Variants in NR6A1 observed in about 807,000 individuals in gnomAD.
NR6A1 encodes the protein nuclear receptor subfamily 6 group A member 1.
A neutral mutation model predicts 59.1 loss-of-function variants in NR6A1; 7 were observed. The observed-to-expected ratio is 0.12, with a 90% CI of 0.07 to 0.22. The LOEUF is 0.22. NR6A1 is among the 10% of genes least tolerant of loss of function. The probability of loss-of-function intolerance (pLI) is 1.00; values close to 1 mark genes in which losing one functional copy is unlikely to be tolerated. For missense variants in NR6A1, 468 were observed against 611.6 expected, an observed-to-expected ratio of 0.77 and a Z score of 2.48; for synonymous variants, 243 against 236.1, an observed-to-expected ratio of 1.03 and a Z score of -0.27.
intron 2 of NR6A1, among the ~76,000 whole-genome samples, chr9:124,696,409 C>T (rs1392729895): frequency 6.6e-6 from 1 of 152,192 alleles, no homozygotes; most frequent in East Asian, 1.9e-4. Context: ...GGCTGACCCC[C>T]TTCCATCATC....
At chr9:124,619,799 C>T (rs1031723652) in intron 2 of NR6A1, among the ~76,000 whole-genome samples, 5 of 152,126 alleles carry the variant, frequency 3.3e-5, no homozygotes, top group South Asian at 2.1e-4. Flanking sequence ...AGGTGGCTCA[C>T]GCCTGTAATC....
intron 2 of NR6A1, among the ~76,000 whole-genome samples, chr9:124,566,517 G>A (rs546396527): frequency 8.5e-5 from 13 of 152,202 alleles, no homozygotes; most frequent in Non-Finnish European, 1.8e-4. Context: ...GAATATTGAT[G>A]TTGCATAGAG....
chr9:124,643,190 A>C (rs749294599), intron 2 of NR6A1, among the ~76,000 whole-genome samples: 3 of 152,154 alleles, frequency 2.0e-5, no homozygotes, highest in Non-Finnish European at 4.4e-5. Context: ...GGCTGGGCAC[A>C]GTGGCTCACA....
intron 2 of NR6A1, among the ~76,000 whole-genome samples, chr9:124,704,824 G>A (rs1397341097): frequency 6.6e-6 from 1 of 152,034 alleles, no homozygotes; most frequent in Non-Finnish European, 1.5e-5. Context: ...CTGCAGCCTC[G>A]AACTCCCAGG....
At chr9:124,593,377 G>C (rs939550704) in intron 2 of NR6A1, among the ~76,000 whole-genome samples, 1 of 151,928 alleles carries the variant, frequency 6.6e-6, no homozygotes, top group Non-Finnish European at 1.5e-5. Context: ...AAAACCAACA[G>C]GGTAAAGCAA....
intron 2 of NR6A1, among the ~76,000 whole-genome samples, chr9:124,685,393 C>T (rs112083094): frequency 3.9e-5 from 6 of 152,298 alleles, no homozygotes; most frequent in African/African-American, 1.2e-4. Context: ...TGCACAAGCA[C>T]GGCTCACTGC....
At chr9:124,650,561 C>T (rs939682547) in intron 2 of NR6A1, among the ~76,000 whole-genome samples, 8 of 152,092 alleles carry the variant, frequency 5.3e-5, no homozygotes, top group African/African-American at 9.7e-5. Flanking sequence ...AACAATTTAC[C>T]GCATATTTCA....
At chr9:124,728,469 A>C (rs1243059808) in intron 2 of NR6A1, among the ~76,000 whole-genome samples, 1 of 151,736 alleles carries the variant, frequency 6.6e-6, no homozygotes, top group African/African-American at 2.4e-5. Context: ...CCCCATCTCT[A>C]CTAAAAAACA....
chr9:124,546,469 T>C (rs1453273593), intron 3 of NR6A1, among the ~76,000 whole-genome samples: 2 of 152,234 alleles, frequency 1.3e-5, no homozygotes, highest in African/African-American at 4.8e-5. Flanking sequence ...TCTTAAATTA[T>C]ACATTTATTC....
chr9:124,599,713 A>C (rs1835395860), intron 2 of NR6A1: 1 of 507,874 alleles, frequency 2.0e-6, no homozygotes, highest in Non-Finnish European at 2.9e-6. Context: ...AACCTTAGTT[A>C]ACCACCAAGA....
intron 2 of NR6A1, among the ~76,000 whole-genome samples, chr9:124,703,207 ATTT>A (rs80014383): frequency 0.011 from 1,159 of 104,494 alleles, 18 homozygotes; most frequent in African/African-American, 0.044. Flanking sequence ...ACACGGCCAC[ATTT>A]TTTTTTTTTT....
At chr9:124,758,994 G>A (rs1193575509) in intron 1 of NR6A1, among the ~76,000 whole-genome samples, 1 of 152,040 alleles carries the variant, frequency 6.6e-6, no homozygotes, top group Non-Finnish European at 1.5e-5. Flanking sequence ...TTGAGACAGA[G>A]CTAGAATCAG....
intron 1 of NR6A1, among the ~76,000 whole-genome samples, chr9:124,764,934 C>T (rs1193307573): frequency 6.6e-6 from 1 of 152,136 alleles, no homozygotes; most frequent in East Asian, 1.9e-4. Context: ...ATCAGCAGGG[C>T]CCATAGAACT....
intron 2 of NR6A1, among the ~76,000 whole-genome samples, chr9:124,593,584 G>A (rs1402566664): frequency 6.6e-6 from 1 of 152,140 alleles, no homozygotes; most frequent in Non-Finnish European, 1.5e-5. Context: ...TTTTTAGTGG[G>A]GGTTGCCTAA....
chr9:124,525,700 T>A (rs1832915484), intron 8 of NR6A1, among the ~76,000 whole-genome samples: 1 of 132,132 alleles, frequency 7.6e-6, no homozygotes, highest in South Asian at 2.5e-4. Context: ...TCTCTCTCTC[T>A]ATATATATAT....
chr9:124,534,384 A>G (rs561928298), intron 7 of NR6A1, among the ~76,000 whole-genome samples: 1 of 152,234 alleles, frequency 6.6e-6, no homozygotes, highest in East Asian at 1.9e-4. Flanking sequence ...AAGACTTTTC[A>G]TATGGATTAA....
At chr9:124,718,509 G>A (rs1713618276) in intron 2 of NR6A1, among the ~76,000 whole-genome samples, 1 of 152,180 alleles carries the variant, frequency 6.6e-6, no homozygotes, top group Non-Finnish European at 1.5e-5. Flanking sequence ...GCTTTAAGTG[G>A]AAGCTAGAAC....
At chr9:124,659,940 G>C (rs1837377835) in intron 2 of NR6A1, among the ~76,000 whole-genome samples, 1 of 152,088 alleles carries the variant, frequency 6.6e-6, no homozygotes, top group Admixed American at 6.5e-5. Flanking sequence ...ATTTGAACTT[G>C]TTTCTATTTT....
chr9:124,522,693 GC>G lies in NR6A1; in HGVS notation c.*11del, dbSNP rs761705437. On this transcript the variant is annotated 3_prime_UTR_variant, in exon 10 of 10. Transcript: ENST00000487099. ...ACGCTGTGGTTGGCCTGAGGAGGGC[GC>G]CTGGAACAGGTCATTCCTTGCCCAC... is the stretch of plus-strand genomic sequence containing the variant. 8.3e-5 allele frequency: 130 copies of G among 1,560,762 alleles called. No homozygotes were observed. Among genetic ancestry groups the G allele is most frequent in the Non-Finnish European group, 1.1e-4 (128 of 1,152,900 alleles).
Sources: allele counts gnomAD v4.1 joint callset (sites outside exome capture counted in the v4.1 genomes callset), GRCh38; gene constraint gnomAD v4.1.1; transcripts MANE v1.5; gene names NCBI Gene and HGNC (gene_info 2026-07-23, HGNC 2026-07-21).